TENM2: variants seen among roughly 807,000 people sequenced by gnomAD.
The protein encoded by TENM2 is teneurin-2.
TENM2 carries 52 observed loss-of-function variants against 245.2 expected under a neutral mutation model. That is an observed-to-expected ratio of 0.21 (90% CI 0.17 to 0.27). The LOEUF is 0.27. TENM2 is among the 10% of genes least tolerant of loss of function. The pLI is 1.00. For missense variants in TENM2, 3,046 were observed against 3,666.8 expected (o/e 0.83, Z 4.37); for synonymous variants, 1,363 against 1,438.9 (o/e 0.95, Z 1.19).
chr5:167,560,510 C>G (rs772788312), intron 2 of TENM2, among the ~76,000 whole-genome samples: 3 of 152,060 alleles, frequency 2.0e-5, no homozygotes, highest in Non-Finnish European at 4.4e-5. Context: ...AGAGTGCCAC[C>G]TGTAAGGGAG....
At position 167,664,546 on chromosome 5, in the gene TENM2, C is replaced by T. The variant is rs146009876; in HGVS notation, c.503-211440C>T. On this transcript the variant is annotated intron_variant, in intron 2 of 28. Transcript: ENST00000518659. ...CCAGTTGTTTTCTCCTCCGACAAAA[C>T]AAGCTACAGAAATAGCATCACCTTC... 7.7e-4 allele frequency among the ~76,000 whole-genome samples: 118 copies of T among 152,320 alleles called. 1 individual carries two copies. Among genetic ancestry groups the T allele is most frequent in the African/African-American group, 2.7e-3 (113 of 41,576 alleles).
intron 1 of TENM2, chr5:167,303,150 T>A (rs1335984952): frequency 5.9e-6 from 1 of 168,590 alleles, no homozygotes; most frequent in Non-Finnish European, 1.2e-5. Context: ...AGATGTTCCT[T>A]GGGCTGGTGG....
chr5:168,047,504 T>C, exon 6 of TENM2: 2 of 1,551,704 alleles, frequency 1.3e-6, no homozygotes, highest in Non-Finnish European at 8.7e-7. Flanking sequence ...AAGGACCGGC[T>C]TACCAGGAAA....
chr5:167,991,942 A>G (rs1045793279), intron 4 of TENM2, among the ~76,000 whole-genome samples: 1 of 152,236 alleles, frequency 6.6e-6, no homozygotes, highest in South Asian at 2.1e-4. Flanking sequence ...TTCTGCCATA[A>G]AAATGGAATG....
At chr5:167,095,778 T>G in the TENM2 span, among the ~76,000 whole-genome samples, 2 of 151,306 alleles carry the variant, frequency 1.3e-5, no homozygotes, top group Non-Finnish European at 3.0e-5. Flanking sequence ...CTTTTTTTTT[T>G]TTTTTTTTGA....
At chr5:167,826,072 C>T (rs925620528) in intron 2 of TENM2, among the ~76,000 whole-genome samples, 2 of 152,056 alleles carry the variant, frequency 1.3e-5, no homozygotes, top group African/African-American at 4.8e-5. Flanking sequence ...AATTTGGCCT[C>T]TTACCCCTAG....
At chr5:167,236,763 C>T in the TENM2 span, among the ~76,000 whole-genome samples, 1 of 152,172 alleles carries the variant, frequency 6.6e-6, no homozygotes, top group Admixed American at 6.5e-5. Context: ...GTAGAACATC[C>T]ACGGTATCAA....
At chr5:167,100,242 G>T in the TENM2 span, among the ~76,000 whole-genome samples, 1 of 152,100 alleles carries the variant, frequency 6.6e-6, no homozygotes, top group Non-Finnish European at 1.5e-5. Context: ...TTTTCCTCTG[G>T]TCATCTAGCA....
intron 2 of TENM2, among the ~76,000 whole-genome samples, chr5:167,513,367 G>A (rs553164342): frequency 1.4e-4 from 22 of 152,114 alleles, no homozygotes; most frequent in Non-Finnish European, 2.5e-4. Context: ...GTAAAATTCG[G>A]TAAAAGGAAA....
At chr5:167,615,776 AT>A (rs1299019657) in intron 2 of TENM2, among the ~76,000 whole-genome samples, 31 of 152,118 alleles carry the variant, frequency 2.0e-4, no homozygotes, top group African/African-American at 7.2e-4. Flanking sequence ...GCAATCACCA[AT>A]TAGTTTGAAT....
intron 27 of TENM2, among the ~76,000 whole-genome samples, chr5:168,250,710 C>A (rs1169272945): frequency 6.6e-6 from 1 of 152,282 alleles, no homozygotes; most frequent in Middle Eastern, 3.4e-3. Context: ...TATGGCCAAG[C>A]GACCTAGGCT....
chr5:168,204,303 C>T (rs1377716691), intron 18 of TENM2, 69 bp from the exon 21 acceptor site: 6 of 1,514,398 alleles, frequency 4.0e-6, no homozygotes, highest in Non-Finnish European at 5.3e-6. Flanking sequence ...CCCCTCCCTC[C>T]CAGTTGGCCA....
At chr5:168,076,068 G>A (rs1040741682) in intron 7 of TENM2, among the ~76,000 whole-genome samples, 1 of 152,086 alleles carries the variant, frequency 6.6e-6, no homozygotes, top group Non-Finnish European at 1.5e-5. Context: ...AGTTTCTGTG[G>A]CTTATTCCTT....
the TENM2 span, among the ~76,000 whole-genome samples, chr5:167,092,649 G>C: frequency 6.6e-6 from 1 of 152,146 alleles, no homozygotes; most frequent in Non-Finnish European, 1.5e-5. Context: ...GACAAACCTA[G>C]AGAAAAGACT....
intron 2 of TENM2, among the ~76,000 whole-genome samples, chr5:167,701,433 A>G (rs1452578297): frequency 6.6e-6 from 1 of 151,736 alleles, no homozygotes; most frequent in East Asian, 1.9e-4. Flanking sequence ...ATTACTTTGC[A>G]TGAAATTAGC....
intron 1 of TENM2, among the ~76,000 whole-genome samples, chr5:167,357,095 T>C (rs1759386821): frequency 6.6e-6 from 1 of 152,130 alleles, no homozygotes; most frequent in African/African-American, 2.4e-5. Context: ...AATGTATGAA[T>C]TCCAATATTT....
At chr5:167,785,299 G>T (rs1376320232) in intron 2 of TENM2, among the ~76,000 whole-genome samples, 1 of 152,172 alleles carries the variant, frequency 6.6e-6, no homozygotes, top group Non-Finnish European at 1.5e-5. Flanking sequence ...ACAGGAAGAT[G>T]AATCAATGAT....
intron 1 of TENM2, among the ~76,000 whole-genome samples, chr5:167,363,619 T>C (rs1223768761): frequency 6.7e-6 from 1 of 149,570 alleles, no homozygotes; most frequent in African/African-American, 2.5e-5. Flanking sequence ...TAGTCCCAGC[T>C]ACTCGGGAGG....
At chr5:167,770,908 T>C (rs1763360513) in intron 2 of TENM2, among the ~76,000 whole-genome samples, 1 of 152,044 alleles carries the variant, frequency 6.6e-6, no homozygotes, top group African/African-American at 2.4e-5. Context: ...TGAGAGAGGA[T>C]AGTACAGCTT....
Sources: gnomAD v4.1 joint callset for allele counts (sites outside exome capture counted in the v4.1 genomes callset) on GRCh38, gnomAD v4.1.1 for gene constraint, MANE v1.5 for transcripts, NCBI Gene and HGNC (gene_info 2026-07-23, HGNC 2026-07-21) for gene names.